The following PRKG1 variants were observed in gnomAD, a reference collection of about 807,000 sequenced individuals.
PRKG1 encodes the protein cGMP-dependent protein kinase 1.
In PRKG1, 35 loss-of-function variants were observed where a neutral mutation model predicts 88.1. That is an observed-to-expected ratio of 0.40 (90% CI 0.30 to 0.53). The LOEUF (loss-of-function observed/expected upper bound fraction) is 0.53, where lower values mean the gene tolerates loss of function less well. PRKG1 is among the 20% of genes least tolerant of loss of function. The probability of loss-of-function intolerance (pLI) is 0.59; values close to 1 mark genes in which losing one functional copy is unlikely to be tolerated. For missense variants in PRKG1, 540 were observed against 839.8 expected (o/e 0.64, Z 4.41); for synonymous variants, 303 against 292.5 (o/e 1.04, Z -0.37).
chr10:51,840,517 T>TTTTA (rs66516508), intron 4 of PRKG1, among the ~76,000 whole-genome samples: 21,292 of 139,720 alleles, frequency 0.15, 2,010 homozygotes, highest in African/African-American at 0.25. Flanking sequence ...GAACCCTCTA[T>TTTTA]TTTATTTATT....
intron 5 of PRKG1, among the ~76,000 whole-genome samples, chr10:51,999,886 G>A (rs778757374): frequency 6.6e-5 from 10 of 152,000 alleles, no homozygotes; most frequent in Non-Finnish European, 1.5e-4. Flanking sequence ...AACAATAATA[G>A]CAAGACTAAA....
intron 3 of PRKG1, among the ~76,000 whole-genome samples, chr10:51,759,369 C>T (rs7080716): frequency 0.41 from 61,678 of 151,612 alleles, 13,127 homozygotes; most frequent in Middle Eastern, 0.55. Context: ...CAGGTTCAAG[C>T]GATTTTCCTG....
At chr10:51,231,142 C>G (rs2132108929) in intron 2 of PRKG1, among the ~76,000 whole-genome samples, 1 of 152,274 alleles carries the variant, frequency 6.6e-6, no homozygotes, top group Middle Eastern at 3.4e-3. Context: ...GCTGAGTCTC[C>G]AAAGCCTAGA....
At chr10:52,051,585 A>G (rs1845988137) in intron 5 of PRKG1, among the ~76,000 whole-genome samples, 1 of 152,230 alleles carries the variant, frequency 6.6e-6, no homozygotes, top group Admixed American at 6.5e-5. Flanking sequence ...AATGGAGGCA[A>G]AACATTACCA....
intron 1 of PRKG1, among the ~76,000 whole-genome samples, chr10:51,138,828 A>G (rs556762020): frequency 1.3e-5 from 2 of 151,674 alleles, no homozygotes; most frequent in East Asian, 3.9e-4. Flanking sequence ...GATTACAGGC[A>G]TGCGCCACCA....
chr10:52,276,037 A>G (rs186441250), intron 12 of PRKG1, among the ~76,000 whole-genome samples: 40 of 152,282 alleles, frequency 2.6e-4, no homozygotes, highest in Non-Finnish European at 8.8e-5. Context: ...TTAATCTTGT[A>G]TCCAGAAACT....
chr10:51,384,316 T>C (rs1277011280), intron 2 of PRKG1, among the ~76,000 whole-genome samples: 1 of 152,164 alleles, frequency 6.6e-6, no homozygotes, highest in Non-Finnish European at 1.5e-5. Flanking sequence ...TATAAAATTA[T>C]ATTTATCCCC....
At chr10:51,656,466 G>A (rs943863080) in intron 3 of PRKG1, among the ~76,000 whole-genome samples, 2 of 152,086 alleles carry the variant, frequency 1.3e-5, no homozygotes, top group Admixed American at 1.3e-4. Flanking sequence ...AACAGAGCTA[G>A]GTAGGACTAA....
At chr10:51,408,335 A>G (rs1837981975) in intron 2 of PRKG1, among the ~76,000 whole-genome samples, 1 of 152,236 alleles carries the variant, frequency 6.6e-6, no homozygotes, top group African/African-American at 2.4e-5. Context: ...AGTGAATTCC[A>G]TGAGCATGAG....
intron 5 of PRKG1, among the ~76,000 whole-genome samples, chr10:51,983,960 G>T (rs975603406): frequency 1.3e-5 from 2 of 152,162 alleles, no homozygotes; most frequent in Admixed American, 1.3e-4. Context: ...AAATAAATTT[G>T]CCAAAAATTA....
chr10:51,596,083 C>A (rs1425486986), intron 3 of PRKG1, among the ~76,000 whole-genome samples: 5 of 152,156 alleles, frequency 3.3e-5, no homozygotes, highest in Non-Finnish European at 7.4e-5. Flanking sequence ...CCTGCCTCGG[C>A]CTCCCAAAGT....
At chr10:52,284,633 C>T (rs1426015037) in intron 14 of PRKG1, among the ~76,000 whole-genome samples, 2 of 151,996 alleles carry the variant, frequency 1.3e-5, no homozygotes, top group Non-Finnish European at 2.9e-5. Flanking sequence ...AAGCATGACT[C>T]CAAAGTATTT....
intron 4 of PRKG1, among the ~76,000 whole-genome samples, chr10:51,807,221 A>G (rs1181871678): frequency 2.0e-5 from 3 of 152,204 alleles, no homozygotes; most frequent in Non-Finnish European, 4.4e-5. Flanking sequence ...TTCAGCACTC[A>G]TTGAAGAATG....
chr10:52,036,586 A>G (rs563670027), intron 5 of PRKG1, among the ~76,000 whole-genome samples: 3,541 of 151,402 alleles, frequency 0.023, 99 homozygotes, highest in African/African-American at 0.08. Context: ...CCAAGGAGGG[A>G]GTAGAGGTAT....
At chr10:51,578,210 G>A (rs1466779360) in intron 3 of PRKG1, among the ~76,000 whole-genome samples, 1 of 151,952 alleles carries the variant, frequency 6.6e-6, no homozygotes, top group Admixed American at 6.6e-5. Flanking sequence ...TAGATTATTG[G>A]TAAATAGCAA....
At chr10:51,967,320 C>T (rs1256471399) in intron 5 of PRKG1, among the ~76,000 whole-genome samples, 6 of 152,016 alleles carry the variant, frequency 3.9e-5, no homozygotes, top group Admixed American at 2.6e-4. Context: ...GACAAAAAAC[C>T]AAACACCACA....
intron 2 of PRKG1, among the ~76,000 whole-genome samples, chr10:51,385,201 G>C (rs898660449): frequency 6.6e-5 from 10 of 152,140 alleles, no homozygotes; most frequent in Admixed American, 3.9e-4. Context: ...AAAAAGTAAT[G>C]GTGCTCTGGT....
chr10:51,980,906 G>T (rs1039550486), intron 5 of PRKG1, among the ~76,000 whole-genome samples: 2 of 152,154 alleles, frequency 1.3e-5, no homozygotes, highest in African/African-American at 4.8e-5. Flanking sequence ...CTTGAAGACA[G>T]CATACCAATG....
chr10:51,808,887 T>C (rs1260792077), intron 4 of PRKG1, among the ~76,000 whole-genome samples: 1 of 152,128 alleles, frequency 6.6e-6, no homozygotes, highest in African/African-American at 2.4e-5. Flanking sequence ...GGGGTCTCTG[T>C]TGTACATCCC....
Sources: allele counts gnomAD v4.1 joint callset (sites outside exome capture counted in the v4.1 genomes callset), GRCh38; gene constraint gnomAD v4.1.1; transcripts MANE v1.5; gene names NCBI Gene and HGNC (gene_info 2026-07-23, HGNC 2026-07-21).